ECM2: variants seen among roughly 807,000 people sequenced by gnomAD.
ECM2 encodes the protein extracellular matrix protein 2, female organ and adipocyte specific.
Under a neutral mutation model 67.5 loss-of-function variants are expected in ECM2, and 57 were observed. The ratio of observed to expected loss-of-function variants is 0.84; its 90% confidence interval spans 0.68 to 1.05. The LOEUF (loss-of-function observed/expected upper bound fraction) is 1.05. Ranked by LOEUF, ECM2 falls within the 50% of genes least tolerant of loss-of-function variation. The pLI is 0.00. For synonymous variants in ECM2, 258 were observed against 294.5 expected, an observed-to-expected ratio of 0.88 and a Z score of 1.27; for missense variants, 741 against 822.8, an observed-to-expected ratio of 0.90 and a Z score of 1.22.
chr9:92,504,017 C>T (rs1846844386), intron 7 of ECM2, among the ~76,000 whole-genome samples: 1 of 152,198 alleles, frequency 6.6e-6, no homozygotes, highest in South Asian at 2.1e-4. Context: ...AGGAGTGGAT[C>T]CCTCTGGAGA....
In ECM2 at chr9:92,495,316, T is replaced by TA. The variant is rs1385482000; in HGVS notation, c.*998dup. ...TTAGCAATACAAAGATAAAAATCAT[T>TA]ATGTTAGAAAATTTTAATATATGAT... On this transcript the variant is annotated 3_prime_UTR_variant, in exon 10 of 10. Transcript: ENST00000344604. 1 of 867,052 alleles carries TA rather than the reference T, an allele frequency of 1.2e-6. No individual in the cohort carries two copies. Among genetic ancestry groups the TA allele is most frequent in the East Asian group, 1.2e-4 (1 of 8,276 alleles). The allele number at this position is 867,052 out of a possible 1,614,324, so 53.7% of individuals were successfully genotyped here. A position where few individuals can be genotyped will look rare whatever the true frequency, so the allele number is the denominator to read the frequency against.
chr9:92,532,809 T>C (rs896230287), intron 1 of ECM2, among the ~76,000 whole-genome samples: 6 of 152,178 alleles, frequency 3.9e-5, no homozygotes, highest in Non-Finnish European at 7.3e-5. Flanking sequence ...TCTATGTGTC[T>C]ATTTCGGTTG....
chr9:92,546,232 A>G, the ECM2 span, among the ~76,000 whole-genome samples: 1 of 152,168 alleles, frequency 6.6e-6, no homozygotes, highest in Non-Finnish European at 1.5e-5. Flanking sequence ...AAACAGACCA[A>G]TCAGCTCTCT....
intron 1 of ECM2, among the ~76,000 whole-genome samples, chr9:92,533,305 A>AACAAAC (rs1289680784): frequency 2.6e-5 from 1 of 38,024 alleles, no homozygotes; most frequent in Non-Finnish European, 4.4e-5. Flanking sequence ...GTCTCAAACA[A>AACAAAC]AAAAAAAAAA....
downstream of ECM2, chr9:92,494,111 C>T: frequency 6.3e-7 from 1 of 1,597,900 alleles, no homozygotes; most frequent in Non-Finnish European, 8.5e-7. Context: ...CACATCTGAT[C>T]TGTTTGTCAC....
At chr9:92,518,087 A>G (rs1196502858) in intron 2 of ECM2, among the ~76,000 whole-genome samples, 3 of 152,202 alleles carry the variant, frequency 2.0e-5, no homozygotes, top group African/African-American at 7.2e-5. Flanking sequence ...CGTAGGCTCT[A>G]AGAGTGAACT....
chr9:92,516,950 C>G (rs1847764676), intron 3 of ECM2: 1 of 152,280 alleles, frequency 6.6e-6, no homozygotes. Context: ...CCTATCCCTT[C>G]CCAGCCAATT....
At chr9:92,533,303 CAAAAAAAAAAAAAA>C (rs1174584000) in intron 1 of ECM2, among the ~76,000 whole-genome samples, 2 of 29,886 alleles carry the variant, frequency 6.7e-5, no homozygotes, top group African/African-American at 2.7e-4. Flanking sequence ...CGGTCTCAAA[CAAAAAAAAAAAAAA>C]AAAAAAAAAA....
chr9:92,550,546 GT>G, the ECM2 span, among the ~76,000 whole-genome samples: 2 of 147,998 alleles, frequency 1.4e-5, no homozygotes, highest in African/African-American at 2.5e-5. Flanking sequence ...TCTTAGACCT[GT>G]TTTTTTTTTG....
upstream of ECM2, chr9:92,539,219 A>G (rs1480918559): frequency 6.6e-6 from 1 of 152,198 alleles, no homozygotes; most frequent in African/African-American, 2.4e-5. Context: ...TGAGTAAAGC[A>G]TTAGACTGTA....
In ECM2 at chr9:92,514,871, C is replaced by A; in HGVS notation, c.814G>T (p.Glu272Ter). The A allele has an allele frequency of 6.2e-7, 1 of 1,613,366 alleles. No individual in the cohort carries two copies. Among genetic ancestry groups the A allele is most frequent in the Non-Finnish European group, 8.5e-7 (1 of 1,179,544 alleles). ...HQQQRQGREE[E>*]EDEEEEGEEG... Reference sequence around the variant, plus strand: ...TCACCCTCCTCCTCCTCATCCTCCTCCTCCTCCCTTCCTTGGCGTTGTTGC... The same window carrying A: ...TCACCCTCCTCCTCCTCATCCTCCTACTCCTCCCTTCCTTGGCGTTGTTGC... The change falls in exon 4 of 10, where the codon GAG becomes TAG. Residue 272 changes from glutamate to a stop codon, truncating the protein, a stop_gained. Coordinates refer to ENST00000344604, the MANE Select transcript of ECM2 (RefSeq NM_001393.4). LOFTEE classifies it high-confidence loss of function.
upstream of ECM2, among the ~76,000 whole-genome samples, chr9:92,541,152 GGAAGGC>G (rs1563995551): frequency 6.6e-6 from 1 of 151,962 alleles, no homozygotes; most frequent in East Asian, 1.9e-4. Flanking sequence ...CCAGCTACTC[GGAAGGC>G]TGAGGCAGGA....
At position 92,502,664 on chromosome 9, in the gene ECM2, A is replaced by G; in HGVS notation, c.1465-12T>C. The stretch of plus-strand genomic sequence containing the variant: ...TCTAGGTATAATTCCTATAATTAAG[A>G]GAGAAGACTATTATTTTTCTTTTGT... On this transcript the variant is annotated splice_polypyrimidine_tract_variant and intron_variant, in intron 7 of 9. Transcript: ENST00000344604. 1 of 1,532,760 alleles carries G rather than the reference A, an allele frequency of 6.5e-7. No individual in the cohort carries two copies. The highest frequency in any genetic ancestry group is 8.9e-7 in the Non-Finnish European group (1 of 1,123,786). 94.9% of individuals were successfully genotyped at this position (1,532,760 alleles called of 1,614,324 possible).
intron 1 of ECM2, among the ~76,000 whole-genome samples, chr9:92,529,205 A>G (rs984127002): frequency 2.0e-5 from 3 of 152,230 alleles, no homozygotes; most frequent in African/African-American, 7.2e-5. Context: ...CAACACTTCA[A>G]TCCTAAATAT....
chr9:92,510,035 C>T lies in ECM2; in HGVS notation c.1171-1G>A. On this transcript the variant is annotated splice_acceptor_variant, in intron 5 of 9. Coordinates refer to ENST00000344604, the MANE Select transcript of ECM2 (RefSeq NM_001393.4). LOFTEE classifies it high-confidence loss of function. ...TCAAACGCATTAACTTCTTCAGAAG[C>T]TTAAAAAGCAAATCTCAAAGTTACT... The T allele has an allele frequency of 6.3e-7, 1 of 1,587,244 alleles. No individual in the cohort carries two copies. The highest frequency in any genetic ancestry group is 8.5e-7 in the Non-Finnish European group (1 of 1,171,784).
chr9:92,528,959 C>A (rs1848579937), intron 1 of ECM2, among the ~76,000 whole-genome samples: 2 of 152,106 alleles, frequency 1.3e-5, no homozygotes, highest in African/African-American at 4.8e-5. Context: ...ATCATTATAC[C>A]TATATTCTAT....
the ECM2 span, among the ~76,000 whole-genome samples, chr9:92,542,534 G>T: frequency 6.7e-6 from 1 of 148,620 alleles, no homozygotes; most frequent in Non-Finnish European, 1.5e-5. Context: ...ATGGAGTCTC[G>T]CTCTGTCTCA....
At chr9:92,556,092 T>C in the ECM2 span, among the ~76,000 whole-genome samples, 1 of 152,206 alleles carries the variant, frequency 6.6e-6, no homozygotes, top group African/African-American at 2.4e-5. Context: ...TGTGTCATTA[T>C]TGTCATCTGG....
chr9:92,501,153 A>G, intron 8 of ECM2, 100 bp from the exon 9 acceptor site: 6 of 1,201,372 alleles, frequency 5.0e-6, no homozygotes, highest in Non-Finnish European at 5.8e-6. Flanking sequence ...CCATTTTCCT[A>G]TAAGCACCCA....
Sources: allele counts gnomAD v4.1 joint callset (sites outside exome capture counted in the v4.1 genomes callset), GRCh38; gene constraint gnomAD v4.1.1; transcripts MANE v1.5; gene names NCBI Gene and HGNC (gene_info 2026-07-23, HGNC 2026-07-21).